PRKACB: variants seen among roughly 807,000 people sequenced by gnomAD.
PRKACB encodes the protein protein kinase cAMP-activated catalytic subunit beta.
A neutral mutation model predicts 51.4 loss-of-function variants in PRKACB; 16 were observed. The ratio of observed to expected loss-of-function variants is 0.31; its 90% CI spans 0.21 to 0.47. PRKACB has a LOEUF of 0.47. PRKACB is among the 20% of genes least tolerant of loss of function. The pLI is 1.00. For synonymous variants in PRKACB, 147 were observed against 154.4 expected, an observed-to-expected ratio of 0.95 and a Z score of 0.35; for missense variants, 309 against 464.5, an observed-to-expected ratio of 0.67 and a Z score of 3.08.
At chr1:84,166,529 A>G (rs1657531197) in intron 1 of PRKACB, among the ~76,000 whole-genome samples, 1 of 151,696 alleles carries the variant, frequency 6.6e-6, no homozygotes, top group Non-Finnish European at 1.5e-5. Flanking sequence ...TTTCCCTTCT[A>G]GCCATTTTAT....
At chr1:84,155,177 T>C (rs528485491) in intron 1 of PRKACB, among the ~76,000 whole-genome samples, 2 of 152,192 alleles carry the variant, frequency 1.3e-5, no homozygotes, top group African/African-American at 4.8e-5. Flanking sequence ...ACAAATTCAA[T>C]AAAGATGCAG....
chr1:84,192,781 A>C (rs1667170119), intron 5 of PRKACB, among the ~76,000 whole-genome samples: 1 of 152,150 alleles, frequency 6.6e-6, no homozygotes, highest in African/African-American at 2.4e-5. Flanking sequence ...AGACTGTTTG[A>C]ATGATTCCTA....
intron 8 of PRKACB, among the ~76,000 whole-genome samples, chr1:84,209,774 A>G (rs79291022): frequency 0.017 from 2,586 of 152,296 alleles, 76 homozygotes; most frequent in African/African-American, 0.059. Context: ...ATGAAGGCAG[A>G]AATCTTCATC....
chr1:84,208,563 T>C (rs1459841780), intron 8 of PRKACB, among the ~76,000 whole-genome samples: 1 of 152,230 alleles, frequency 6.6e-6, no homozygotes, highest in Non-Finnish European at 1.5e-5. Flanking sequence ...GAACTTCCTA[T>C]ACTTTCCCAA....
intron 5 of PRKACB, among the ~76,000 whole-genome samples, chr1:84,190,936 A>T (rs367880102): frequency 2.0e-5 from 3 of 151,852 alleles, no homozygotes; most frequent in African/African-American, 7.3e-5. Flanking sequence ...TATAGGTGAG[A>T]TGGGTCTCTT....
intron 7 of PRKACB, 98 bp downstream of exon 7, chr1:84,197,922 T>A: frequency 1.3e-6 from 1 of 798,016 alleles, no homozygotes; most frequent in Non-Finnish European, 2.0e-6. Flanking sequence ...TTTACATTTT[T>A]AATTTGATCT....
At chr1:84,098,733 GCA>G (rs1452566819) in intron 1 of PRKACB, among the ~76,000 whole-genome samples, 5 of 152,036 alleles carry the variant, frequency 3.3e-5, no homozygotes, top group African/African-American at 4.8e-5. Flanking sequence ...ACAAGTGCAG[GCA>G]CAGTGTAGGT....
At chr1:84,198,350 A>G (rs1010622962) in intron 7 of PRKACB, among the ~76,000 whole-genome samples, 4 of 152,240 alleles carry the variant, frequency 2.6e-5, no homozygotes, top group African/African-American at 9.6e-5. Flanking sequence ...AACTGTACCT[A>G]TATCCAAAAG....
chr1:84,147,051 T>G (rs1399278505), intron 1 of PRKACB, among the ~76,000 whole-genome samples: 1 of 152,028 alleles, frequency 6.6e-6, no homozygotes, highest in Admixed American at 6.6e-5. Flanking sequence ...ATAGTTAGCT[T>G]TTTAATCTTC....
chr1:84,199,596 A>G (rs1235224734), intron 7 of PRKACB, among the ~76,000 whole-genome samples: 1 of 152,182 alleles, frequency 6.6e-6, no homozygotes, highest in Non-Finnish European at 1.5e-5. Flanking sequence ...TTTTGTGAAT[A>G]GTGCCACAAT....
chr1:84,081,337 A>G (rs996664407), intron 1 of PRKACB, among the ~76,000 whole-genome samples: 4 of 152,174 alleles, frequency 2.6e-5, no homozygotes, highest in African/African-American at 9.7e-5. Flanking sequence ...GTGAGATTCC[A>G]TCTTCATCTC....
chr1:84,127,638 T>G (rs575516765), intron 1 of PRKACB, among the ~76,000 whole-genome samples: 39 of 151,962 alleles, frequency 2.6e-4, no homozygotes, highest in East Asian at 3.9e-4. Context: ...ATTTTGCGGG[T>G]TTTTTTTCTT....
At chr1:84,193,980 G>A (rs553799172) in intron 5 of PRKACB, among the ~76,000 whole-genome samples, 25 of 152,210 alleles carry the variant, frequency 1.6e-4, no homozygotes, top group African/African-American at 5.8e-4. Flanking sequence ...TTAATTACCC[G>A]AGGCCTAAGC....
At chr1:84,198,637 A>G (rs1668868573) in intron 7 of PRKACB, among the ~76,000 whole-genome samples, 1 of 152,028 alleles carries the variant, frequency 6.6e-6, no homozygotes. Flanking sequence ...CATTTCTTTA[A>G]ATACAGTTAA....
chr1:84,100,251 G>A (rs1024784498), intron 1 of PRKACB, among the ~76,000 whole-genome samples: 6 of 150,950 alleles, frequency 4.0e-5, no homozygotes, highest in Non-Finnish European at 8.8e-5. Flanking sequence ...AGAACAGCAT[G>A]GGGAAAACCT....
At chr1:84,226,496 G>C (rs899753034) in intron 9 of PRKACB, among the ~76,000 whole-genome samples, 1 of 152,068 alleles carries the variant, frequency 6.6e-6, no homozygotes, top group Non-Finnish European at 1.5e-5. Flanking sequence ...TTATATTTTG[G>C]TTGCTATTAT....
intron 1 of PRKACB, among the ~76,000 whole-genome samples, chr1:84,122,761 T>C (rs1220665797): frequency 1.3e-5 from 2 of 152,098 alleles, no homozygotes; most frequent in African/African-American, 4.8e-5. Context: ...ATAAATAGAT[T>C]TATGAGAGGG....
intron 1 of PRKACB, among the ~76,000 whole-genome samples, chr1:84,122,276 A>T (rs1651147922): frequency 6.6e-6 from 1 of 152,332 alleles, no homozygotes; most frequent in South Asian, 2.1e-4. Context: ...GTCACCTGAT[A>T]GAAAAATAAA....
At chr1:84,162,791 C>G (rs899966602) in intron 1 of PRKACB, among the ~76,000 whole-genome samples, 2 of 151,936 alleles carry the variant, frequency 1.3e-5, no homozygotes, top group African/African-American at 4.8e-5. Context: ...AATTCTACAC[C>G]TGGGCCCATT....
Sources: allele counts gnomAD v4.1 joint callset (sites outside exome capture counted in the v4.1 genomes callset), GRCh38; gene constraint gnomAD v4.1.1; transcripts MANE v1.5; gene names NCBI Gene and HGNC (gene_info 2026-07-23, HGNC 2026-07-21).